The following TAFA1 variants were observed in gnomAD, a reference collection of about 807,000 sequenced individuals.
TAFA1 encodes the protein chemokine-like protein TAFA-1.
Under a neutral mutation model 18.5 loss-of-function variants are expected in TAFA1, and 4 were observed. The observed-to-expected ratio is 0.22, with a 90% CI of 0.11 to 0.49. The LOEUF (loss-of-function observed/expected upper bound fraction) is 0.49. Among genes scored for constraint, TAFA1 ranks in the 20% least tolerant of loss-of-function variants. The pLI, the probability that TAFA1 is intolerant of heterozygous loss-of-function variation, is 0.98. For synonymous variants in TAFA1, 56 were observed against 55.2 expected (o/e 1.01, Z -0.06); for missense variants, 147 against 169.0 (o/e 0.87, Z 0.72).
intron 2 of TAFA1, among the ~76,000 whole-genome samples, chr3:68,109,935 T>G (rs540076845): frequency 5.3e-5 from 8 of 152,312 alleles, no homozygotes; most frequent in African/African-American, 1.9e-4. Flanking sequence ...ATGATTCATG[T>G]GATTATGTGG....
intron 2 of TAFA1, among the ~76,000 whole-genome samples, chr3:68,097,915 C>T (rs1014695979): frequency 1.7e-4 from 26 of 152,066 alleles, no homozygotes; most frequent in Admixed American, 5.9e-4. Context: ...CCCATTGTCA[C>T]GTAAATGAGA....
chr3:68,123,878 C>CAAAAAAA (rs758966848), intron 2 of TAFA1, among the ~76,000 whole-genome samples: 1 of 72,128 alleles, frequency 1.4e-5, no homozygotes, highest in African/African-American at 6.4e-5. Flanking sequence ...CTTTTTTTTC[C>CAAAAAAA]AAAAAAAAAA....
chr3:68,100,659 A>T (rs1489814564), intron 2 of TAFA1, among the ~76,000 whole-genome samples: 1 of 152,188 alleles, frequency 6.6e-6, no homozygotes. Context: ...ACCCAATATA[A>T]ATCTATTAAT....
chr3:68,108,903 T>C (rs1054185424), intron 2 of TAFA1, among the ~76,000 whole-genome samples: 1 of 152,098 alleles, frequency 6.6e-6, no homozygotes, highest in Non-Finnish European at 1.5e-5. Context: ...TACATATATA[T>C]GTATATACAG....
intron 2 of TAFA1, among the ~76,000 whole-genome samples, chr3:68,123,554 C>A (rs1248766388): frequency 6.6e-6 from 1 of 152,090 alleles, no homozygotes; most frequent in Non-Finnish European, 1.5e-5. Context: ...AAGACTTTTT[C>A]ACTTTTCTGA....
chr3:68,081,587 G>T (rs2064900873), intron 2 of TAFA1, among the ~76,000 whole-genome samples: 1 of 152,218 alleles, frequency 6.6e-6, no homozygotes, highest in Non-Finnish European at 1.5e-5. Flanking sequence ...AGGTGTCAAT[G>T]TGCCCCTGCT....
chr3:68,305,290 C>T (rs1319962128), intron 2 of TAFA1, among the ~76,000 whole-genome samples: 2 of 150,546 alleles, frequency 1.3e-5, no homozygotes, highest in African/African-American at 4.9e-5. Context: ...ACAGCTCACC[C>T]TAATGACCTC....
chr3:68,367,249 T>A (rs767547197), intron 2 of TAFA1, among the ~76,000 whole-genome samples: 1 of 152,206 alleles, frequency 6.6e-6, no homozygotes, highest in African/African-American at 2.4e-5. Flanking sequence ...ACGTCCCTCA[T>A]TGGAAATCAG....
At chr3:68,335,731 T>C (rs1335576913) in intron 2 of TAFA1, among the ~76,000 whole-genome samples, 1 of 152,214 alleles carries the variant, frequency 6.6e-6, no homozygotes, top group Non-Finnish European at 1.5e-5. Context: ...TAAAAATTAC[T>C]GGATAAATAA....
chr3:68,191,935 T>C (rs1352918916), intron 2 of TAFA1, among the ~76,000 whole-genome samples: 1 of 151,806 alleles, frequency 6.6e-6, no homozygotes, highest in African/African-American at 2.4e-5. Context: ...TTGAATAAAT[T>C]ATTCACTTTC....
intron 2 of TAFA1, among the ~76,000 whole-genome samples, chr3:68,161,414 A>G (rs2065923987): frequency 6.6e-6 from 1 of 152,134 alleles, no homozygotes; most frequent in African/African-American, 2.4e-5. Context: ...TGAAAATGAT[A>G]AGAGATGTTA....
chr3:68,190,414 G>A (rs1305391765), intron 2 of TAFA1, among the ~76,000 whole-genome samples: 1 of 151,796 alleles, frequency 6.6e-6, no homozygotes, highest in Non-Finnish European at 1.5e-5. Flanking sequence ...GACTTTCATT[G>A]TTCATTTTAT....
intron 2 of TAFA1, among the ~76,000 whole-genome samples, chr3:68,171,510 T>C (rs1291284819): frequency 6.6e-6 from 1 of 152,120 alleles, no homozygotes; most frequent in East Asian, 1.9e-4. Context: ...AGGATCTGAT[T>C]TTCAGAGTGT....
At chr3:68,113,231 T>C (rs1401904787) in intron 2 of TAFA1, among the ~76,000 whole-genome samples, 1 of 152,174 alleles carries the variant, frequency 6.6e-6, no homozygotes, top group Non-Finnish European at 1.5e-5. Flanking sequence ...AAGATTGCTA[T>C]AGAACAGAAT....
chr3:68,286,979 G>A (rs1387018138), intron 2 of TAFA1, among the ~76,000 whole-genome samples: 1 of 152,162 alleles, frequency 6.6e-6, no homozygotes, highest in Admixed American at 6.5e-5. Context: ...TCCAGCAAGG[G>A]AAACACAGCA....
At chr3:68,514,158 C>G (rs1342333940) in intron 3 of TAFA1, among the ~76,000 whole-genome samples, 1 of 152,158 alleles carries the variant, frequency 6.6e-6, no homozygotes, top group East Asian at 1.9e-4. Context: ...CTCCTCCTAA[C>G]ACTATCACTT....
intron 2 of TAFA1, among the ~76,000 whole-genome samples, chr3:68,270,656 C>T (rs1232045186): frequency 6.6e-6 from 1 of 152,114 alleles, no homozygotes; most frequent in Non-Finnish European, 1.5e-5. Flanking sequence ...AGTACCCTTC[C>T]TTTTGGCTGG....
At position 68,213,211 on chromosome 3, in the gene TAFA1, G is replaced by A. The variant is rs1296290458; in HGVS notation, c.119-204069G>A. On this transcript the variant is annotated intron_variant, in intron 2 of 4. Transcript: ENST00000478136. ...TAAGTGGAAACTGAATTTATTGGAT[G>A]ACTACCAAGAGACTTGAAAAATTGA... Among the ~76,000 whole-genome samples, 3 of 152,062 alleles carry A rather than the reference G, an allele frequency of 2.0e-5. No homozygotes were observed. In the East Asian group the frequency reaches 5.8e-4, roughly 30 times the overall value.
At chr3:68,141,972 T>C (rs2065672325) in intron 2 of TAFA1, among the ~76,000 whole-genome samples, 1 of 152,202 alleles carries the variant, frequency 6.6e-6, no homozygotes, top group Admixed American at 6.5e-5. Flanking sequence ...TTTTAGTTTC[T>C]TGTGAGCACT....
Sources: gnomAD v4.1 joint callset for allele counts (sites outside exome capture counted in the v4.1 genomes callset) on GRCh38, gnomAD v4.1.1 for gene constraint, MANE v1.5 for transcripts, NCBI Gene and HGNC (gene_info 2026-07-23, HGNC 2026-07-21) for gene names.